Variants in RBFOX2 observed in about 807,000 individuals in gnomAD.
The protein encoded by RBFOX2 is RNA binding fox-1 homolog 2, also known as RNA binding protein fox-1 homolog 2.
A neutral mutation model predicts 49.1 loss-of-function variants in RBFOX2; 10 were observed. That is an observed-to-expected ratio of 0.20 (90% confidence interval 0.13 to 0.35). RBFOX2 has a LOEUF of 0.35. RBFOX2 is among the 10% of genes least tolerant of loss of function. The pLI, the probability that RBFOX2 is intolerant of heterozygous loss-of-function variation, is 1.00. For synonymous variants in RBFOX2, 183 were observed against 187.4 expected (o/e 0.98, Z 0.19); for missense variants, 323 against 486.9 (o/e 0.66, Z 3.17).
At chr22:35,908,869 G>C (rs1041436788) in intron 1 of RBFOX2, among the ~76,000 whole-genome samples, 3 of 148,198 alleles carry the variant, frequency 2.0e-5, no homozygotes, top group African/African-American at 7.5e-5. Context: ...TTGAGATGGA[G>C]TCTCGCTCTG....
chr22:35,873,541 C>A lies in RBFOX2; in HGVS notation c.-33-63537G>T, dbSNP rs142925882. Reference sequence around the variant, plus strand: ...ATAGTACTAGTGACAATGTTTCTGACAAACTTTCTCAATCAGTCATGCAAA... The same window carrying A: ...ATAGTACTAGTGACAATGTTTCTGAAAAACTTTCTCAATCAGTCATGCAAA... On this transcript the variant is annotated intron_variant, in intron 1 of 13. Transcript: ENST00000359369. Among the ~76,000 whole-genome samples the A allele has an allele frequency of 6.0e-3, 909 of 152,312 alleles. 5 individuals carry two copies. Among genetic ancestry groups the A allele is most frequent in the Non-Finnish European group, 0.011 (720 of 68,024 alleles).
At chr22:35,925,791 A>G (rs576058865) in intron 1 of RBFOX2, among the ~76,000 whole-genome samples, 12 of 152,358 alleles carry the variant, frequency 7.9e-5, no homozygotes, top group Admixed American at 5.2e-4. Context: ...GACTGAGGCC[A>G]TATCACAGAA....
chr22:35,936,234 CA>C, intron 1 of RBFOX2, among the ~76,000 whole-genome samples: 1 of 83,730 alleles, frequency 1.2e-5, no homozygotes, highest in Non-Finnish European at 2.4e-5. Flanking sequence ...AAACCAACAA[CA>C]ACAAAAAAAA....
chr22:35,951,331 C>T (rs1381103465), intron 1 of RBFOX2, among the ~76,000 whole-genome samples: 3 of 148,958 alleles, frequency 2.0e-5, no homozygotes, highest in Non-Finnish European at 4.4e-5. Flanking sequence ...CTGCAACCTC[C>T]ACCTTCCGGG....
chr22:35,760,585 C>T (rs769468135), intron 8 of RBFOX2, among the ~76,000 whole-genome samples: 6 of 152,162 alleles, frequency 3.9e-5, no homozygotes, highest in Non-Finnish European at 7.3e-5. Context: ...TTTTAATCCA[C>T]AAATGTAAGG....
intron 2 of RBFOX2, among the ~76,000 whole-genome samples, chr22:35,784,788 G>A (rs1038434655): frequency 1.4e-4 from 21 of 152,180 alleles, no homozygotes; most frequent in Non-Finnish European, 2.4e-4. Context: ...CGGGAGGCCC[G>A]CAGCTGGTTG....
intron 6 of RBFOX2, 42 bp from the exon 8 acceptor site, chr22:35,761,510 G>C (rs1345503157): frequency 1.9e-6 from 3 of 1,603,066 alleles, no homozygotes; most frequent in African/African-American, 1.3e-5. Flanking sequence ...AAGACTGTTT[G>C]AGGAAAGGGA....
intron 1 of RBFOX2, among the ~76,000 whole-genome samples, chr22:35,910,841 C>T (rs1375985782): frequency 1.3e-5 from 2 of 152,178 alleles, no homozygotes; most frequent in Non-Finnish European, 2.9e-5. Context: ...CATATATAAG[C>T]AATGGCTGCA....
chr22:36,028,288 C>A, exon 1 of RBFOX2: 1 of 1,534,974 alleles, frequency 6.5e-7, no homozygotes, highest in Non-Finnish European at 8.7e-7. Context: ...TGCGCGGCCG[C>A]TTGCTCAGGC....
At chr22:35,742,971 C>T (rs550584328) in exon 12 of RBFOX2, 3 of 152,658 alleles carry the variant, frequency 2.0e-5, no homozygotes, top group Non-Finnish European at 4.4e-5. Flanking sequence ...AGAGAAGTGA[C>T]TCATAAAGGC....
intron 1 of RBFOX2, among the ~76,000 whole-genome samples, chr22:35,982,614 T>C (rs1220945361): frequency 6.6e-6 from 1 of 151,986 alleles, no homozygotes; most frequent in Non-Finnish European, 1.5e-5. Context: ...GAAAAGGAAA[T>C]GGTTGGACGG....
At chr22:35,773,775 ATTTC>A (rs1208019072) in intron 4 of RBFOX2, among the ~76,000 whole-genome samples, 1 of 152,076 alleles carries the variant, frequency 6.6e-6, no homozygotes, top group Non-Finnish European at 1.5e-5. Flanking sequence ...CAATCTGTGT[ATTTC>A]TTTATTTAAT....
chr22:35,915,177 C>T (rs1292824250), intron 1 of RBFOX2, among the ~76,000 whole-genome samples: 1 of 152,192 alleles, frequency 6.6e-6, no homozygotes, highest in East Asian at 1.9e-4. Context: ...GCAGCCCCAT[C>T]CCCTTGTAAC....
intron 1 of RBFOX2, among the ~76,000 whole-genome samples, chr22:35,933,951 T>TATAC (rs1556421314): frequency 2.0e-4 from 28 of 141,610 alleles, no homozygotes; most frequent in Non-Finnish European, 3.6e-4. Context: ...TATATATATA[T>TATAC]ATACACACAT....
At chr22:35,981,968 G>A (rs1028715689) in intron 1 of RBFOX2, among the ~76,000 whole-genome samples, 21 of 152,130 alleles carry the variant, frequency 1.4e-4, no homozygotes, top group African/African-American at 5.1e-4. Flanking sequence ...CCTGTAGAGA[G>A]GCACACCAAA....
intron 1 of RBFOX2, among the ~76,000 whole-genome samples, chr22:35,870,085 C>T (rs990721220): frequency 2.6e-5 from 4 of 152,116 alleles, no homozygotes; most frequent in Non-Finnish European, 4.4e-5. Context: ...TGGCAAGGCC[C>T]TTTCAAAAGG....
intron 1 of RBFOX2, among the ~76,000 whole-genome samples, chr22:35,870,226 T>C (rs1008903842): frequency 2.0e-5 from 3 of 152,174 alleles, no homozygotes; most frequent in South Asian, 4.1e-4. Flanking sequence ...AAAACAGTCA[T>C]GGTTGGGCAC....
chr22:36,019,100 T>A (rs536129836), intron 1 of RBFOX2, among the ~76,000 whole-genome samples: 1 of 152,168 alleles, frequency 6.6e-6, no homozygotes, highest in Non-Finnish European at 1.5e-5. Flanking sequence ...AAACACGACA[T>A]TTTTACTGTT....
At chr22:36,027,317 T>C (rs1262311875) in intron 1 of RBFOX2, among the ~76,000 whole-genome samples, 2 of 152,044 alleles carry the variant, frequency 1.3e-5, no homozygotes, top group African/African-American at 2.4e-5. Flanking sequence ...TCTGCACAAC[T>C]GTTGGTAGGT....
Sources: allele counts gnomAD v4.1 joint callset (sites outside exome capture counted in the v4.1 genomes callset), GRCh38; gene constraint gnomAD v4.1.1; transcripts MANE v1.5; gene names NCBI Gene and HGNC (gene_info 2026-07-23, HGNC 2026-07-21).